Variants in TOGARAM2 observed in about 807,000 individuals in gnomAD.
TOGARAM2 encodes the protein TOG array regulator of axonemal microtubules 2, also known as TOG array regulator of axonemal microtubules protein 2.
Under a neutral mutation model 93.3 loss-of-function variants are expected in TOGARAM2, and 85 were observed. The observed-to-expected ratio is 0.91, with a 90% CI of 0.76 to 1.09. The LOEUF is 1.09. TOGARAM2 is among the 50% of genes least tolerant of loss of function. TOGARAM2 has a pLI of 0.00. For missense variants in TOGARAM2, 1,277 were observed against 1,334.5 expected (o/e 0.96, Z 0.67); for synonymous variants, 593 against 552.8 (o/e 1.07, Z -1.02).
intron 1 of TOGARAM2, among the ~76,000 whole-genome samples, chr2:28,967,900 C>A (rs1346788789): frequency 6.9e-6 from 1 of 144,414 alleles, no homozygotes; most frequent in Non-Finnish European, 1.5e-5. Context: ...GACACTGCAA[C>A]CTCCCCCTCC....
intron 1 of TOGARAM2, among the ~76,000 whole-genome samples, chr2:28,967,416 A>C (rs976340349): frequency 2.7e-4 from 41 of 152,190 alleles, no homozygotes; most frequent in African/African-American, 9.9e-4. Flanking sequence ...TTGAGGCTGT[A>C]GTGAGCTGTG....
Position 28,998,064 on chromosome 2 carries a change from G to A in TOGARAM2, c.29-79G>A, listed in dbSNP as rs1199415992. ...TGCGGGGTGGAGTGCTCAGGGTTAC[G>A]GCCGGGTGTTCTTGGTTTGCTCCCA... On this transcript the variant is annotated intron_variant, in intron 2 of 19. Transcript: ENST00000379558. 1.5e-5 allele frequency: 15 copies of A among 1,002,264 alleles called. No individual in the cohort carries two copies. The East Asian group carries it at 3.4e-4, about 23-fold the overall frequency. 62.1% of individuals were successfully genotyped at this position (1,002,264 alleles called of 1,614,324 possible).
At chr2:29,005,724 C>T (rs1572684502) in intron 6 of TOGARAM2, among the ~76,000 whole-genome samples, 1 of 103,530 alleles carries the variant, frequency 9.7e-6, no homozygotes, top group Non-Finnish European at 2.1e-5. Context: ...TGCATGTGTG[C>T]ATGTGTGTGA....
At chr2:28,988,820 C>G (rs555814274) in intron 1 of TOGARAM2, among the ~76,000 whole-genome samples, 14 of 152,304 alleles carry the variant, frequency 9.2e-5, no homozygotes, top group South Asian at 2.1e-4. Flanking sequence ...AGGCACAGAC[C>G]TTGCTCTCAC....
chr2:29,005,565 G>T (rs1364613202), intron 6 of TOGARAM2, among the ~76,000 whole-genome samples: 6 of 148,222 alleles, frequency 4.0e-5, no homozygotes, highest in Non-Finnish European at 8.9e-5. Context: ...TGGAGTGTGT[G>T]TGCATGTGTG....
chr2:29,004,903 CATGTGTGTGCATGTGT>C (rs1384238070), intron 6 of TOGARAM2, among the ~76,000 whole-genome samples: 13 of 80,516 alleles, frequency 1.6e-4, no homozygotes, highest in Non-Finnish European at 3.7e-4. Flanking sequence ...TGTGTGAGTG[CATGTGTGTGCATGTGT>C]ACGTGTGTGA....
intron 18 of TOGARAM2, among the ~76,000 whole-genome samples, chr2:29,037,608 G>C (rs1666197508): frequency 6.6e-6 from 1 of 151,660 alleles, no homozygotes; most frequent in Non-Finnish European, 1.5e-5. Flanking sequence ...TTCCTGGCCT[G>C]AGCCCAGCTC....
intron 10 of TOGARAM2, 33 bp downstream of exon 10, chr2:29,017,989 C>T (rs753949335): frequency 6.4e-7 from 1 of 1,552,488 alleles, no homozygotes; most frequent in South Asian, 1.2e-5. Context: ...CACACGTGTC[C>T]CTCTGCCCAT....
intron 19 of TOGARAM2, chr2:29,050,266 G>C (rs779975875): frequency 1.3e-5 from 2 of 152,218 alleles, no homozygotes; most frequent in Admixed American, 6.5e-5. Flanking sequence ...GCTGAGGCAG[G>C]AGAATTACTT....
intron 2 of TOGARAM2, among the ~76,000 whole-genome samples, chr2:28,995,899 C>T (rs116414319): frequency 9.2e-5 from 14 of 152,054 alleles, no homozygotes; most frequent in Admixed American, 3.9e-4. Context: ...GAGGTGGGCT[C>T]GGGAAGGGCT....
chr2:29,010,515 A>C (rs149387176), intron 6 of TOGARAM2, among the ~76,000 whole-genome samples: 1 of 152,176 alleles, frequency 6.6e-6, no homozygotes, highest in Non-Finnish European at 1.5e-5. Flanking sequence ...CCCTGCATCC[A>C]GGCAGGCACT....
chr2:29,027,121 A>G (rs1665438834), intron 14 of TOGARAM2, 110 bp downstream of exon 14: 3 of 1,164,080 alleles, frequency 2.6e-6, no homozygotes, highest in South Asian at 3.4e-5. Flanking sequence ...AGGGACAGGC[A>G]GGTAGGCGGA....
intron 18 of TOGARAM2, among the ~76,000 whole-genome samples, chr2:29,044,060 T>A (rs1191093026): frequency 1.3e-5 from 2 of 152,170 alleles, no homozygotes; most frequent in African/African-American, 4.8e-5. Context: ...CTCATACTAT[T>A]TCAGTTCTTT....
At chr2:29,023,266 G>T (rs1456736984) in intron 12 of TOGARAM2, 75 bp downstream of exon 12, 2 of 1,259,758 alleles carry the variant, frequency 1.6e-6, no homozygotes, top group Non-Finnish European at 2.2e-6. Flanking sequence ...AGCAGCTGTG[G>T]AGGGGCTGTG....
chr2:29,030,246 C>T (rs1163692417), intron 14 of TOGARAM2, among the ~76,000 whole-genome samples: 3 of 151,768 alleles, frequency 2.0e-5, no homozygotes, highest in East Asian at 1.9e-4. Flanking sequence ...ATTACACTCC[C>T]GCCTGGGCAA....
chr2:29,003,734 C>CAG, intron 6 of TOGARAM2, 52 bp downstream of exon 6: 1 of 1,389,138 alleles, frequency 7.2e-7, no homozygotes, highest in Non-Finnish European at 9.5e-7. Context: ...CTCTGTCCCC[C>CAG]TGAGATCCAC....
At position 29,035,464 on chromosome 2, in the gene TOGARAM2, G is replaced by A; in HGVS notation, c.2226G>A (p.Gly742=). The stretch of plus-strand genomic sequence containing the variant: ...TTCAGACGCCACGCTCCTTACCTAG[G>A]CTCAGCTGCAATGGCCCAAGGCTGG... ...VCENGLPIKE[G]LSCNGPRLVG... The change falls in exon 17 of 20, where the codon GGG becomes GGA. Residue 742 remains glycine, a splice_region_variant and synonymous_variant. Coordinates refer to ENST00000379558, the MANE Select transcript of TOGARAM2 (RefSeq NM_199280.4). 7.2e-7 allele frequency: 1 copy of A among 1,398,430 alleles called. No individual in the cohort carries two copies. The highest frequency in any genetic ancestry group is 9.4e-7 in the Non-Finnish European group (1 of 1,064,688). The allele number at this position is 1,398,430 out of a possible 1,614,324, so 86.6% of individuals were successfully genotyped here.
chr2:29,034,779 G>A (rs1665980213), intron 16 of TOGARAM2, among the ~76,000 whole-genome samples: 1 of 152,184 alleles, frequency 6.6e-6, no homozygotes, highest in South Asian at 2.1e-4. Flanking sequence ...AGCCTAGCCA[G>A]CCAGGGATCA....
intron 16 of TOGARAM2, among the ~76,000 whole-genome samples, chr2:29,034,157 C>T (rs372933752): frequency 2.6e-5 from 4 of 152,202 alleles, no homozygotes; most frequent in South Asian, 4.1e-4. Context: ...TTCCTGCCTA[C>T]TCTCCCACTC....
Sources: allele counts gnomAD v4.1 joint callset (sites outside exome capture counted in the v4.1 genomes callset), GRCh38; gene constraint gnomAD v4.1.1; transcripts MANE v1.5; gene names NCBI Gene and HGNC (gene_info 2026-07-23, HGNC 2026-07-21).